The following FRMPD4 variants were observed in gnomAD, a reference collection of about 807,000 sequenced individuals.
FRMPD4 encodes the protein FERM and PDZ domain-containing protein 4.
Under a neutral mutation model 94.1 loss-of-function variants are expected in FRMPD4, and 22 were observed. The ratio of observed to expected loss-of-function variants is 0.23; its 90% CI spans 0.17 to 0.33. FRMPD4 has a LOEUF of 0.33. Among genes scored for constraint, FRMPD4 ranks in the 10% least tolerant of loss-of-function variants. FRMPD4 has a pLI of 1.00. For missense variants in FRMPD4, 1,111 were observed against 1,339.9 expected (o/e 0.83, Z 2.67); for synonymous variants, 631 against 548.6 (o/e 1.15, Z -2.10).
intron 1 of FRMPD4, among the ~76,000 whole-genome samples, chrX:12,280,581 G>C (rs4518828): frequency 0.18 from 20,222 of 110,627 alleles, 1,452 homozygotes; most frequent in East Asian, 0.36. Flanking sequence ...ACCATGATAG[G>C]CATGAGGATG....
chrX:12,494,175 T>C (rs998373703), intron 1 of FRMPD4, among the ~76,000 whole-genome samples: 5 of 112,325 alleles, frequency 4.5e-5, no homozygotes, highest in Non-Finnish European at 7.5e-5. Context: ...TTACATTATC[T>C]TCTTGTAACA....
At chrX:12,393,882 C>T (rs765097868) in intron 1 of FRMPD4, among the ~76,000 whole-genome samples, 7 of 111,759 alleles carry the variant, frequency 6.3e-5, no homozygotes, top group South Asian at 3.7e-4. Flanking sequence ...AAATCTTAGA[C>T]GCTTGACTAC....
intron 3 of FRMPD4, among the ~76,000 whole-genome samples, chrX:11,916,271 T>G (rs1018655457): frequency 1.8e-5 from 2 of 111,102 alleles, no homozygotes; most frequent in Non-Finnish European, 3.8e-5. Context: ...GAAGGACAGG[T>G]GAACAAAGAC....
At chrX:12,554,404 CT>C (rs1490949843) in intron 2 of FRMPD4, among the ~76,000 whole-genome samples, 1 of 111,262 alleles carries the variant, frequency 9.0e-6, no homozygotes, top group African/African-American at 3.3e-5. Context: ...CCTTCCAAGG[CT>C]GTCTGGGTCA....
intron 4 of FRMPD4, among the ~76,000 whole-genome samples, chrX:12,625,912 C>G (rs926431352): frequency 2.7e-5 from 3 of 111,726 alleles, no homozygotes; most frequent in Non-Finnish European, 5.6e-5. Context: ...CCAAAATACA[C>G]ACATCTCTTA....
Position 12,349,253 on chromosome X carries a change from A to G in FRMPD4, c.42-149427A>G, listed in dbSNP as rs931998706. On this transcript the variant is annotated intron_variant, in intron 1 of 16. Transcript: ENST00000675598. ...TCTCAGCCGAAAGGAAATAATTTTT[A>G]AAACACGGAATCTCCACAAACATGC... 3.6e-5 allele frequency among the ~76,000 whole-genome samples: 4 copies of G among 111,333 alleles called. No individual in the cohort carries two copies. In the South Asian group the frequency reaches 1.1e-3, roughly 31 times the overall value.
At chrX:12,133,174 G>C (rs1353327636) in intron 3 of FRMPD4, among the ~76,000 whole-genome samples, 1 of 110,914 alleles carries the variant, frequency 9.0e-6, no homozygotes, top group African/African-American at 3.3e-5. Flanking sequence ...GAGTACTTTA[G>C]CCAGTGGGAG....
At chrX:12,496,061 C>T (rs893191093) in intron 1 of FRMPD4, among the ~76,000 whole-genome samples, 9 of 111,997 alleles carry the variant, frequency 8.0e-5, no homozygotes, top group Admixed American at 1.9e-4. Flanking sequence ...CAGATCTCAG[C>T]CGAAGCTTGG....
chrX:12,490,969 C>A (rs1258770180), intron 1 of FRMPD4, among the ~76,000 whole-genome samples: 1 of 110,751 alleles, frequency 9.0e-6, no homozygotes, highest in African/African-American at 3.3e-5. Context: ...ACACTTAGGA[C>A]AAAATGTATG....
chrX:12,680,687 A>G (rs1424024240), intron 5 of FRMPD4, among the ~76,000 whole-genome samples: 2 of 112,332 alleles, frequency 1.8e-5, no homozygotes, highest in African/African-American at 6.5e-5. Context: ...TATTTACTTA[A>G]CAACCTTGGC....
intron 3 of FRMPD4, among the ~76,000 whole-genome samples, chrX:11,976,454 A>G (rs1349967536): frequency 8.9e-6 from 1 of 112,295 alleles, no homozygotes; most frequent in Admixed American, 9.4e-5. Context: ...AGTCCCTTTA[A>G]AACATAGCAC....
At chrX:12,130,583 A>G (rs1301066098) in intron 3 of FRMPD4, among the ~76,000 whole-genome samples, 1 of 111,554 alleles carries the variant, frequency 9.0e-6, no homozygotes. Flanking sequence ...ATATTAATTG[A>G]ATGAATTAAT....
At chrX:12,118,488 C>A (rs1196293211) in intron 3 of FRMPD4, among the ~76,000 whole-genome samples, 7 of 112,181 alleles carry the variant, frequency 6.2e-5, no homozygotes. Context: ...TCCAAGTCAC[C>A]GTTGGGGCAC....
At chrX:12,647,579 A>G (rs2059559682) in intron 4 of FRMPD4, among the ~76,000 whole-genome samples, 1 of 111,647 alleles carries the variant, frequency 9.0e-6, no homozygotes, top group Admixed American at 9.5e-5. Context: ...AGCCTCCTCA[A>G]TTGTCTGCTG....
chrX:12,495,041 C>T (rs2057831627), intron 1 of FRMPD4: 2 of 718,366 alleles, frequency 2.8e-6, no homozygotes, highest in Non-Finnish European at 3.3e-6. Flanking sequence ...GGACACTGTG[C>T]ACCCAGGATC....
chrX:12,599,223 C>A (rs1301223534), intron 2 of FRMPD4, among the ~76,000 whole-genome samples: 1 of 110,556 alleles, frequency 9.0e-6, no homozygotes, highest in Non-Finnish European at 1.9e-5. Context: ...ACTCTCAGGC[C>A]TAAAATGATT....
At position 12,720,648 on chromosome X, in the gene FRMPD4, C is replaced by G; in HGVS notation, c.4079C>G (p.Pro1360Arg). The change falls in exon 17 of 17, where the codon CCA (proline) becomes CGA (arginine). Residue 1360 changes from proline (P) to arginine (R), a missense_variant. Coordinates refer to ENST00000675598, the MANE Select transcript of FRMPD4 (RefSeq NM_001368397.1). ...PSNIHSESKV[P>R]IPNQDPNDFS... ...AACATTCACTCGGAATCAAAGGTGC[C>G]AATTCCAAATCAAGACCCTAATGAT... is the stretch of plus-strand genomic sequence containing the variant. 1 of 1,164,636 alleles carries G rather than the reference C, an allele frequency of 8.6e-7. No homozygotes were observed. Among genetic ancestry groups the G allele is most frequent in the Non-Finnish European group, 1.1e-6 (1 of 874,303 alleles).
At chrX:11,895,548 A>G (rs1322517510) in intron 3 of FRMPD4, among the ~76,000 whole-genome samples, 5 of 112,072 alleles carry the variant, frequency 4.5e-5, no homozygotes, top group African/African-American at 1.6e-4. Context: ...GCATTACCTT[A>G]TTAAACTCAG....
At chrX:12,594,419 C>G (rs1043449744) in intron 2 of FRMPD4, among the ~76,000 whole-genome samples, 8 of 106,320 alleles carry the variant, frequency 7.5e-5, no homozygotes, top group Admixed American at 9.8e-5. Context: ...ATTTAGTTAA[C>G]CCCATTTATT....
Sources: allele counts gnomAD v4.1 joint callset (sites outside exome capture counted in the v4.1 genomes callset), GRCh38; gene constraint gnomAD v4.1.1; transcripts MANE v1.5; gene names NCBI Gene and HGNC (gene_info 2026-07-23, HGNC 2026-07-21).